PDE6D: variants seen among roughly 807,000 people sequenced by gnomAD.
PDE6D encodes the protein phosphodiesterase 6D, also known as retinal rod rhodopsin-sensitive cGMP 3',5'-cyclic phosphodiesterase subunit delta.
PDE6D carries 10 observed loss-of-function variants against 21.9 expected under a neutral mutation model. The ratio of observed to expected loss-of-function variants is 0.46; its 90% CI spans 0.28 to 0.78. PDE6D has a LOEUF of 0.78. Among genes scored for constraint, PDE6D ranks in the 30% least tolerant of loss-of-function variants. PDE6D has a pLI of 0.12. For missense variants in PDE6D, 139 were observed against 184.8 expected, an observed-to-expected ratio of 0.75 and a Z score of 1.44; for synonymous variants, 59 against 63.5, an observed-to-expected ratio of 0.93 and a Z score of 0.34.
chr2:231,780,694 C>A (rs373586097), intron 1 of PDE6D, among the ~76,000 whole-genome samples: 2 of 152,304 alleles, frequency 1.3e-5, no homozygotes, highest in South Asian at 4.1e-4. Context: ...CGCGCCCCCT[C>A]AGCCCTTCTC....
intron 4 of PDE6D, among the ~76,000 whole-genome samples, chr2:231,735,423 C>A (rs943272252): frequency 6.7e-6 from 1 of 149,964 alleles, no homozygotes; most frequent in African/African-American, 2.4e-5. Flanking sequence ...CTCAGCCTCC[C>A]GAGTAGCTGG....
intron 1 of PDE6D, among the ~76,000 whole-genome samples, chr2:231,755,120 T>A (rs2048872663): frequency 6.6e-6 from 1 of 152,150 alleles, no homozygotes; most frequent in Non-Finnish European, 1.5e-5. Context: ...GTCTGCAACC[T>A]GGAAGAAGGC....
At chr2:231,743,723 T>C (rs1475816199) in intron 1 of PDE6D, among the ~76,000 whole-genome samples, 6 of 152,030 alleles carry the variant, frequency 3.9e-5, no homozygotes, top group Non-Finnish European at 2.9e-5. Context: ...CACTTTTTTT[T>C]TTTAAACAAC....
chr2:231,743,109 C>G (rs576261299), intron 1 of PDE6D, among the ~76,000 whole-genome samples: 1 of 152,166 alleles, frequency 6.6e-6, no homozygotes, highest in East Asian at 1.9e-4. Flanking sequence ...TGGAGAGATT[C>G]TGTCTAGGTT....
chr2:231,763,638 C>CTT (rs756344566), intron 1 of PDE6D, among the ~76,000 whole-genome samples: 3 of 135,494 alleles, frequency 2.2e-5, no homozygotes, highest in Admixed American at 7.4e-5. Flanking sequence ...CTTTTTTTTT[C>CTT]TTTTTTTTTT....
intron 1 of PDE6D, among the ~76,000 whole-genome samples, chr2:231,762,942 AAAAAG>A (rs1229603555): frequency 4.6e-5 from 7 of 151,932 alleles, no homozygotes; most frequent in Non-Finnish European, 7.4e-5. Flanking sequence ...CTACTAAAAA[AAAAAG>A]AAAAGAAAAG....
chr2:231,736,725 CA>C (rs1448673023), intron 4 of PDE6D, among the ~76,000 whole-genome samples: 4 of 152,124 alleles, frequency 2.6e-5, no homozygotes, highest in Non-Finnish European at 4.4e-5. Flanking sequence ...AAACAAAATA[CA>C]GAGATACCGG....
intron 1 of PDE6D, among the ~76,000 whole-genome samples, chr2:231,740,841 G>C (rs1051253845): frequency 1.3e-5 from 2 of 151,426 alleles, no homozygotes; most frequent in African/African-American, 4.9e-5. Context: ...AGAAAATTTC[G>C]TAGATGGAAA....
intron 4 of PDE6D, among the ~76,000 whole-genome samples, chr2:231,734,376 C>T (rs750040296): frequency 2.0e-5 from 3 of 150,606 alleles, no homozygotes; most frequent in African/African-American, 4.9e-5. Flanking sequence ...TGAGACAGAG[C>T]GAGACCGTCT....
intron 1 of PDE6D, among the ~76,000 whole-genome samples, chr2:231,756,912 ATTG>A (rs1245221119): frequency 6.6e-6 from 1 of 151,512 alleles, no homozygotes; most frequent in Admixed American, 6.6e-5. Context: ...TCAATTGACT[ATTG>A]TTGTAAAAGC....
intron 1 of PDE6D, chr2:231,779,147 T>C (rs976869434): frequency 6.6e-6 from 1 of 152,228 alleles, no homozygotes; most frequent in Admixed American, 6.5e-5. Flanking sequence ...ACTGCTCTCA[T>C]GCTAACTTTT....
intron 1 of PDE6D, among the ~76,000 whole-genome samples, chr2:231,764,074 A>G (rs2048952160): frequency 6.6e-6 from 1 of 152,190 alleles, no homozygotes; most frequent in Non-Finnish European, 1.5e-5. Flanking sequence ...GAAGAATAAG[A>G]TAAGACTTTT....
chr2:231,771,881 G>C (rs775301216), intron 1 of PDE6D, among the ~76,000 whole-genome samples: 4 of 152,218 alleles, frequency 2.6e-5, no homozygotes, highest in African/African-American at 4.8e-5. Context: ...GCTGGAAAAG[G>C]ATTTGAGTAT....
chr2:231,768,421 C>T (rs538251259), intron 1 of PDE6D, among the ~76,000 whole-genome samples: 1 of 152,018 alleles, frequency 6.6e-6, no homozygotes, highest in African/African-American at 2.4e-5. Flanking sequence ...GATGGAGTCT[C>T]CCTCTGTCGT....
At chr2:231,771,329 A>G (rs2049014181) in intron 1 of PDE6D, among the ~76,000 whole-genome samples, 2 of 152,320 alleles carry the variant, frequency 1.3e-5, no homozygotes, top group South Asian at 2.1e-4. Flanking sequence ...TAAATTCTCC[A>G]GAGAGGCATC....
At position 231,737,333 on chromosome 2, in the gene PDE6D, G is replaced by A. The variant is rs770933663; in HGVS notation, c.266-41C>T. 24 of 1,105,028 alleles carry A rather than the reference G, an allele frequency of 2.2e-5. No individual in the cohort carries two copies. In the Admixed American group the frequency reaches 4.0e-4, roughly 18 times the overall value. 68.5% of individuals were successfully genotyped at this position (1,105,028 alleles called of 1,614,324 possible). ...AAAGCCGGGGTGAGCAGGTGCCCCA[G>A]TATAAAGTTTAAGGGCTCTTTGTCT... is the stretch of plus-strand genomic sequence containing the variant. On this transcript the variant is annotated intron_variant, in intron 3 of 4. Coordinates refer to ENST00000287600, the MANE Select transcript of PDE6D (RefSeq NM_002601.4).
chr2:231,744,300 C>G (rs2048774106), intron 1 of PDE6D, among the ~76,000 whole-genome samples: 2 of 152,314 alleles, frequency 1.3e-5, no homozygotes, highest in South Asian at 4.1e-4. Context: ...AGTCTTCTAT[C>G]TGGCATTTAG....
chr2:231,755,373 C>A (rs959868262), intron 1 of PDE6D, among the ~76,000 whole-genome samples: 1 of 152,176 alleles, frequency 6.6e-6, no homozygotes, highest in East Asian at 1.9e-4. Context: ...TCTATAAGCA[C>A]CAAAGTGCTC....
chr2:231,764,266 A>C (rs2048953323), intron 1 of PDE6D, among the ~76,000 whole-genome samples: 1 of 152,040 alleles, frequency 6.6e-6, no homozygotes, highest in African/African-American at 2.4e-5. Flanking sequence ...AACAACAACA[A>C]ATTAGCTACA....
Sources: allele counts gnomAD v4.1 joint callset (sites outside exome capture counted in the v4.1 genomes callset), GRCh38; gene constraint gnomAD v4.1.1; transcripts MANE v1.5; gene names NCBI Gene and HGNC (gene_info 2026-07-23, HGNC 2026-07-21).